The following KCNH1 variants were observed in gnomAD, a reference collection of about 807,000 sequenced individuals.
KCNH1 encodes the protein potassium voltage-gated channel subfamily H member 1.
KCNH1 carries 27 observed loss-of-function variants against 69.2 expected under a neutral mutation model. That is an observed-to-expected ratio of 0.39 (90% CI 0.29 to 0.54). The LOEUF (loss-of-function observed/expected upper bound fraction) is 0.54. KCNH1 is among the 20% of genes least tolerant of loss of function. The pLI is 0.68. For synonymous variants in KCNH1, 456 were observed against 487.7 expected, an observed-to-expected ratio of 0.93 and a Z score of 0.86; for missense variants, 798 against 1,261.6, an observed-to-expected ratio of 0.63 and a Z score of 5.57.
rs1044508373 is a variant in KCNH1 at position 210,678,538 on chromosome 1, C to T, written c.*4743G>A. 1.3e-5 allele frequency: 2 copies of T among 152,076 alleles called. No individual in the cohort carries two copies. Among genetic ancestry groups the T allele is most frequent in the Admixed American group, 6.5e-5 (1 of 15,274 alleles). The allele number at this position is 152,076 out of a possible 1,614,324, so 9.4% of individuals were successfully genotyped here. A position where few individuals can be genotyped will look rare whatever the true frequency, so the allele number is the denominator to read the frequency against. On this transcript the variant is annotated 3_prime_UTR_variant, in exon 11 of 11. Transcript: ENST00000271751. Reference sequence around the variant, plus strand: ...ATTTACACTTTTGTTTATTCATGCTCATTTGGACAAAGTGACAGATGCAAA... The same window carrying T: ...ATTTACACTTTTGTTTATTCATGCTTATTTGGACAAAGTGACAGATGCAAA...
chr1:210,798,620 T>C (rs1202333824), intron 8 of KCNH1, among the ~76,000 whole-genome samples: 1 of 152,060 alleles, frequency 6.6e-6, no homozygotes, highest in African/African-American at 2.4e-5. Flanking sequence ...CTGAAGAAGA[T>C]CATTGAAGCT....
intron 10 of KCNH1, among the ~76,000 whole-genome samples, chr1:210,727,965 A>T (rs1682645598): frequency 6.6e-6 from 1 of 152,256 alleles, no homozygotes; most frequent in Non-Finnish European, 1.5e-5. Context: ...GAATCAGGAC[A>T]AATGAGACCA....
Position 210,811,938 on chromosome 1 carries a change from T to C in KCNH1, c.1463-7772A>G, listed in dbSNP as rs577406331. On this transcript the variant is annotated intron_variant, in intron 7 of 10. Coordinates refer to ENST00000271751, the MANE Select transcript of KCNH1 (RefSeq NM_172362.3). ...CAAACTTCAGTGTGTATCAGAATCA[T>C]GTGGAGAGCCTTTAAACCCATTCTG... is the stretch of plus-strand genomic sequence containing the variant. Among the ~76,000 whole-genome samples, 4 of 152,242 alleles carry C rather than the reference T, an allele frequency of 2.6e-5. No homozygotes were observed. In the East Asian group the frequency reaches 7.7e-4, roughly 29 times the overall value.
chr1:210,703,523 A>AAAAG (rs545760178), intron 10 of KCNH1, among the ~76,000 whole-genome samples: 8 of 152,268 alleles, frequency 5.3e-5, no homozygotes, highest in Non-Finnish European at 1.0e-4. Context: ...TGCAAGGACT[A>AAAAG]AAAGAAATAA....
At chr1:210,797,240 CT>C (rs1482785982) in intron 9 of KCNH1, among the ~76,000 whole-genome samples, 3 of 152,226 alleles carry the variant, frequency 2.0e-5, no homozygotes, top group African/African-American at 7.2e-5. Context: ...CTGCAAATGT[CT>C]GCTTATTTGT....
chr1:210,952,560 G>C (rs1163797700), intron 6 of KCNH1, among the ~76,000 whole-genome samples: 1 of 152,128 alleles, frequency 6.6e-6, no homozygotes, highest in African/African-American at 2.4e-5. Flanking sequence ...AGATTAAAGT[G>C]TGTCATTTCT....
intron 6 of KCNH1, among the ~76,000 whole-genome samples, chr1:211,000,362 A>G (rs1426112820): frequency 6.6e-6 from 1 of 152,190 alleles, no homozygotes; most frequent in Non-Finnish European, 1.5e-5. Flanking sequence ...ATTCTTATAC[A>G]CCACTAACAG....
chr1:210,950,114 G>A (rs1574356028), intron 6 of KCNH1, among the ~76,000 whole-genome samples: 1 of 152,216 alleles, frequency 6.6e-6, no homozygotes, highest in Admixed American at 6.5e-5. Flanking sequence ...CCAGGTAACA[G>A]CCTCTTCTTG....
At chr1:210,860,678 T>C in intron 7 of KCNH1, 1 of 775,288 alleles carries the variant, frequency 1.3e-6, no homozygotes, top group Non-Finnish European at 2.4e-6. Context: ...AATGCTGTGA[T>C]ACATTCTTTA....
chr1:211,121,931 C>T (rs913121486), intron 1 of KCNH1, among the ~76,000 whole-genome samples: 1 of 152,118 alleles, frequency 6.6e-6, no homozygotes, highest in Admixed American at 6.5e-5. Context: ...GTCAGGAGAT[C>T]GAGACCATCC....
chr1:211,109,143 T>C (rs1691414989), intron 1 of KCNH1, among the ~76,000 whole-genome samples: 1 of 152,112 alleles, frequency 6.6e-6, no homozygotes. Context: ...ACAATAGATA[T>C]AGAAATTAAA....
Position 211,018,772 on chromosome 1 carries a change from G to A in KCNH1, c.1032+11C>T, listed in dbSNP as rs1689539616. ...GACATGACAACAAGGTCTGAGATTTGAGGGATGTACCTGACTCTCTCTCCC... is the reference window on the plus strand; with the variant it reads ...GACATGACAACAAGGTCTGAGATTTAAGGGATGTACCTGACTCTCTCTCCC... On this transcript the variant is annotated intron_variant, in intron 6 of 10. Coordinates refer to ENST00000271751, the MANE Select transcript of KCNH1 (RefSeq NM_172362.3). 6.4e-7 allele frequency: 1 copy of A among 1,574,284 alleles called. No individual in the cohort carries two copies. The highest frequency in any genetic ancestry group is 8.6e-7 in the Non-Finnish European group (1 of 1,158,986).
intron 6 of KCNH1, among the ~76,000 whole-genome samples, chr1:210,939,082 G>C (rs551070633): frequency 7.4e-4 from 113 of 152,172 alleles, no homozygotes; most frequent in African/African-American, 2.6e-3. Context: ...AGGCGGAGCT[G>C]GACATGCCCT....
At chr1:210,706,734 T>C (rs992138077) in intron 10 of KCNH1, among the ~76,000 whole-genome samples, 1 of 152,238 alleles carries the variant, frequency 6.6e-6, no homozygotes, top group Non-Finnish European at 1.5e-5. Flanking sequence ...AAACACTTAC[T>C]AGCAATTCGT....
chr1:210,860,978 T>C (rs1399931732), intron 7 of KCNH1: 3 of 1,004,324 alleles, frequency 3.0e-6, no homozygotes, highest in African/African-American at 3.2e-5. Flanking sequence ...GAGCCAATCA[T>C]GCAGGGCTCC....
In KCNH1 at chr1:210,873,514, AT is replaced by A. The variant is rs201079503; in HGVS notation, c.1462+46125del. 9.7e-3 allele frequency among the ~76,000 whole-genome samples: 1,465 copies of A among 150,740 alleles called. 26 individuals are homozygous for A. Among genetic ancestry groups the A allele is most frequent in the African/African-American group, 0.034 (1,405 of 41,058 alleles). ...AGGTGCATGCCACTGTGCCCAGCTT[AT>A]TTTTTTTTACTTTTTGTAGAGATGG... is the stretch of plus-strand genomic sequence containing the variant. On this transcript the variant is annotated intron_variant, in intron 7 of 10. Coordinates refer to ENST00000271751, the MANE Select transcript of KCNH1 (RefSeq NM_172362.3).
intron 7 of KCNH1, among the ~76,000 whole-genome samples, chr1:210,826,911 T>C (rs1173772997): frequency 1.3e-5 from 2 of 152,234 alleles, no homozygotes; most frequent in Non-Finnish European, 2.9e-5. Context: ...TGCCAGTGCC[T>C]GCGGAGTTGG....
At chr1:211,111,552 C>T (rs1357550856) in intron 1 of KCNH1, among the ~76,000 whole-genome samples, 2 of 149,320 alleles carry the variant, frequency 1.3e-5, no homozygotes, top group African/African-American at 2.5e-5. Flanking sequence ...CCCGGCCCCC[C>T]GCCCCGTCTG....
intron 7 of KCNH1, among the ~76,000 whole-genome samples, chr1:210,869,875 T>C (rs1251959976): frequency 6.6e-6 from 1 of 152,126 alleles, no homozygotes; most frequent in Non-Finnish European, 1.5e-5. Flanking sequence ...GTTCTTTGCC[T>C]GGCTTGTGCA....
Sources: gnomAD v4.1 joint callset for allele counts (sites outside exome capture counted in the v4.1 genomes callset) on GRCh38, gnomAD v4.1.1 for gene constraint, MANE v1.5 for transcripts, NCBI Gene and HGNC (gene_info 2026-07-23, HGNC 2026-07-21) for gene names.